Variants in ASIC2 observed in about 807,000 individuals in gnomAD.
ASIC2 encodes the protein acid sensing ion channel subunit 2.
Under a neutral mutation model 57.3 loss-of-function variants are expected in ASIC2, and 25 were observed. The ratio of observed to expected loss-of-function variants is 0.44; its 90% CI spans 0.32 to 0.61. The LOEUF (loss-of-function observed/expected upper bound fraction) is 0.61. ASIC2 is among the 20% of genes least tolerant of loss of function. ASIC2 has a pLI of 0.06. For synonymous variants in ASIC2, 319 were observed against 307.5 expected, an observed-to-expected ratio of 1.04 and a Z score of -0.39; for missense variants, 641 against 738.1, an observed-to-expected ratio of 0.87 and a Z score of 1.52.
intron 1 of ASIC2, among the ~76,000 whole-genome samples, chr17:33,837,922 A>T (rs184305918): frequency 3.9e-5 from 6 of 152,236 alleles, no homozygotes; most frequent in African/African-American, 1.4e-4. Context: ...GTTCACCTGA[A>T]AACCCCACCT....
intron 1 of ASIC2, among the ~76,000 whole-genome samples, chr17:33,974,175 A>G (rs11657327): frequency 0.2 from 30,173 of 151,902 alleles, 3,251 homozygotes; most frequent in African/African-American, 0.26. Flanking sequence ...GGAAGTGGAA[A>G]GCAGTCTGGC....
chr17:33,232,044 C>G lies in ASIC2; in HGVS notation c.708+59364G>C, dbSNP rs113503011. ...AATAAATTTGGAACCTTGGGATGAA[C>G]TGAATGTTTGCCTCTTCCCCTTCAA... is the stretch of plus-strand genomic sequence containing the variant. On this transcript the variant is annotated intron_variant, in intron 1 of 9. Coordinates refer to ENST00000225823, the MANE Select transcript of ASIC2 (RefSeq NM_183377.2). Among the ~76,000 whole-genome samples, 8 of 152,306 alleles carry G rather than the reference C, an allele frequency of 5.3e-5. 2 individuals carry two copies. The highest frequency in any genetic ancestry group is 1.9e-4 in the African/African-American group (8 of 41,550).
intron 1 of ASIC2, among the ~76,000 whole-genome samples, chr17:33,168,027 A>T (rs1013977717): frequency 1.4e-4 from 21 of 152,226 alleles, no homozygotes; most frequent in African/African-American, 3.9e-4. Flanking sequence ...AATATTGCAG[A>T]ATTGGGTTAA....
intron 3 of ASIC2, among the ~76,000 whole-genome samples, chr17:33,045,646 G>A (rs113741884): frequency 7.8e-4 from 118 of 152,110 alleles, no homozygotes; most frequent in Non-Finnish European, 1.2e-3. Flanking sequence ...GTCATGGCGG[G>A]GGCCACCATC....
intron 1 of ASIC2, among the ~76,000 whole-genome samples, chr17:33,751,736 T>C (rs1007378201): frequency 1.3e-5 from 2 of 152,104 alleles, no homozygotes; most frequent in Non-Finnish European, 2.9e-5. Context: ...CCCTGCTCCC[T>C]GCATAGAATG....
intron 1 of ASIC2, among the ~76,000 whole-genome samples, chr17:33,636,888 C>G (rs557793256): frequency 1.3e-5 from 2 of 152,018 alleles, no homozygotes; most frequent in African/African-American, 4.8e-5. Flanking sequence ...CCCACACACA[C>G]ACACACACCA....
chr17:33,272,135 G>T (rs1904518559), intron 1 of ASIC2, among the ~76,000 whole-genome samples: 1 of 152,158 alleles, frequency 6.6e-6, no homozygotes, highest in African/African-American at 2.4e-5. Flanking sequence ...TTCATGCAGG[G>T]CTTCCTGACT....
At chr17:33,070,972 C>T (rs924848050) in intron 3 of ASIC2, among the ~76,000 whole-genome samples, 3 of 151,990 alleles carry the variant, frequency 2.0e-5, no homozygotes, top group Non-Finnish European at 2.9e-5. Context: ...GAGGAATCTA[C>T]TGTCTTCCTT....
At position 33,017,788 on chromosome 17, in the gene ASIC2, T is replaced by A. The variant is rs1398840290; in HGVS notation, c.1442-104A>T. The A allele has an allele frequency of 4.0e-6, 4 of 1,010,572 alleles. No individual in the cohort carries two copies. The African/African-American group carries it at 4.8e-5, about 12-fold the overall frequency. 62.6% of individuals were successfully genotyped at this position (1,010,572 alleles called of 1,614,324 possible). A position where few individuals can be genotyped will look rare whatever the true frequency, so the allele number is the denominator to read the frequency against. On this transcript the variant is annotated intron_variant, in intron 7 of 9. Transcript: ENST00000225823. ...GACCTTCTGAATGGCGCCCCCTCCA[T>A]GGGGAGCCTGGGCCTTGTTGTGGGA...
intron 9 of ASIC2, 60 bp from the exon 10 acceptor site, chr17:33,014,126 CA>C: frequency 7.4e-7 from 1 of 1,349,644 alleles, no homozygotes; most frequent in Non-Finnish European, 1.0e-6. Context: ...TTCATGATGC[CA>C]CCAGCGGCCC....
At chr17:33,177,664 C>A (rs555628542) in intron 1 of ASIC2, among the ~76,000 whole-genome samples, 1 of 152,144 alleles carries the variant, frequency 6.6e-6, no homozygotes, top group African/African-American at 2.4e-5. Flanking sequence ...TGTCTGCTCA[C>A]GTGCTTATTT....
rs111877641 is a variant in ASIC2, at chr17:34,078,160, C to G, written c.555+77818G>C. On this transcript the variant is annotated intron_variant, in intron 1 of 9. Transcript: ENST00000359872. ...AGCATAGGTCCAGGTATACCTATGG[C>G]TCCTCCCTGTTCCCCAGGTCACATG... 5.6e-3 allele frequency among the ~76,000 whole-genome samples: 853 copies of G among 152,284 alleles called. 8 individuals carry two copies. The highest frequency in any genetic ancestry group is 0.019 in the African/African-American group (795 of 41,548).
At chr17:33,457,299 T>C (rs571610152) in intron 1 of ASIC2, among the ~76,000 whole-genome samples, 27 of 152,048 alleles carry the variant, frequency 1.8e-4, no homozygotes, top group Admixed American at 4.6e-4. Flanking sequence ...CCTATGAACT[T>C]TGAGAAGTTT....
intron 1 of ASIC2, among the ~76,000 whole-genome samples, chr17:34,067,588 C>T (rs1304635161): frequency 1.3e-5 from 2 of 151,924 alleles, no homozygotes; most frequent in Non-Finnish European, 2.9e-5. Context: ...AAAAACTATC[C>T]CAAGAAGATT....
intron 1 of ASIC2, among the ~76,000 whole-genome samples, chr17:33,285,886 C>T (rs1905146627): frequency 1.3e-5 from 2 of 152,158 alleles, no homozygotes; most frequent in Admixed American, 6.5e-5. Flanking sequence ...TCACAGCTGC[C>T]CAATGCTATT....
chr17:33,026,065 AAGGG>A, intron 4 of ASIC2, 83 bp from the exon 5 acceptor site: 1 of 1,492,212 alleles, frequency 6.7e-7, no homozygotes, highest in Non-Finnish European at 9.2e-7. Context: ...GGCTTAGGGA[AAGGG>A]GTGCCTCCTG....
At chr17:33,521,764 G>C (rs181789211) in intron 1 of ASIC2, among the ~76,000 whole-genome samples, 2 of 152,126 alleles carry the variant, frequency 1.3e-5, no homozygotes, top group African/African-American at 4.8e-5. Flanking sequence ...CATGCCCCAC[G>C]GTCATCATCT....
At chr17:34,034,928 C>T (rs570301932) in intron 1 of ASIC2, among the ~76,000 whole-genome samples, 2 of 151,730 alleles carry the variant, frequency 1.3e-5, no homozygotes, top group Non-Finnish European at 2.9e-5. Flanking sequence ...ATGAAAATGG[C>T]CATACTGCCC....
At chr17:33,126,724 T>C (rs2092324394) in intron 1 of ASIC2, among the ~76,000 whole-genome samples, 1 of 152,070 alleles carries the variant, frequency 6.6e-6, no homozygotes, top group Admixed American at 6.5e-5. Context: ...AGATGGAGGT[T>C]GCCGTGAGCC....
Sources: gnomAD v4.1 joint callset for allele counts (sites outside exome capture counted in the v4.1 genomes callset) on GRCh38, gnomAD v4.1.1 for gene constraint, MANE v1.5 for transcripts, NCBI Gene and HGNC (gene_info 2026-07-23, HGNC 2026-07-21) for gene names.